RIMS2: variants seen among roughly 807,000 people sequenced by gnomAD.
RIMS2 encodes regulating synaptic membrane exocytosis 2, also known as regulating synaptic membrane exocytosis protein 2.
Under a neutral mutation model 174.4 loss-of-function variants are expected in RIMS2, and 59 were observed. The ratio of observed to expected loss-of-function variants is 0.34; its 90% CI spans 0.27 to 0.42. The LOEUF (loss-of-function observed/expected upper bound fraction) is 0.42. RIMS2 is among the 10% of genes least tolerant of loss of function. The pLI, the probability that RIMS2 is intolerant of heterozygous loss-of-function variation, is 1.00. For missense variants in RIMS2, 1,620 were observed against 1,666.3 expected (o/e 0.97, Z 0.48); for synonymous variants, 606 against 572.5 (o/e 1.06, Z -0.84).
At chr8:103,502,073 T>C (rs1820449433) in intron 1 of RIMS2, among the ~76,000 whole-genome samples, 2 of 152,260 alleles carry the variant, frequency 1.3e-5, no homozygotes, top group Admixed American at 1.3e-4. Flanking sequence ...GTAACCTTTT[T>C]ATGTTTTTCC....
chr8:103,949,810 A>C (rs949915565), intron 14 of RIMS2, among the ~76,000 whole-genome samples: 19 of 152,162 alleles, frequency 1.2e-4, no homozygotes, highest in African/African-American at 4.3e-4. Flanking sequence ...TGAAATAAAG[A>C]CAGAAAGTCA....
At chr8:103,976,096 A>T (rs2093396139) in intron 16 of RIMS2, 1 of 152,260 alleles carries the variant, frequency 6.6e-6, no homozygotes, top group African/African-American at 2.4e-5. Flanking sequence ...ATTCCATTCA[A>T]GTTGACACGT....
chr8:103,904,974 A>G (rs2074059072), intron 4 of RIMS2, among the ~76,000 whole-genome samples: 1 of 151,946 alleles, frequency 6.6e-6, no homozygotes, highest in Admixed American at 6.6e-5. Flanking sequence ...ATCACCTTGT[A>G]TTGGTGCTGA....
chr8:104,145,645 G>T (rs2098630177), intron 19 of RIMS2, among the ~76,000 whole-genome samples: 1 of 146,550 alleles, frequency 6.8e-6, no homozygotes, highest in African/African-American at 2.6e-5. Flanking sequence ...GACCAACATG[G>T]AGAAACCCCG....
chr8:103,523,082 A>G (rs1022255314), intron 1 of RIMS2, among the ~76,000 whole-genome samples: 3 of 151,744 alleles, frequency 2.0e-5, no homozygotes, highest in Non-Finnish European at 4.4e-5. Flanking sequence ...TGATGATGGG[A>G]TGTGTGTGTT....
chr8:103,696,993 T>G, intron 1 of RIMS2, 93 bp from the exon 4 acceptor site: 1 of 709,786 alleles, frequency 1.4e-6, no homozygotes, highest in Non-Finnish European at 2.5e-6. Context: ...CTTGTATTTT[T>G]TTGGTTATAA....
intron 19 of RIMS2, among the ~76,000 whole-genome samples, chr8:104,091,491 A>T (rs2097656537): frequency 1.3e-5 from 2 of 151,376 alleles, no homozygotes; most frequent in South Asian, 4.1e-4. Flanking sequence ...TGATTTTTGT[A>T]TGAATAAATG....
chr8:104,111,367 G>A (rs972746218), intron 19 of RIMS2, among the ~76,000 whole-genome samples: 9 of 152,152 alleles, frequency 5.9e-5, no homozygotes, highest in African/African-American at 2.2e-4. Context: ...TTAAGCCACA[G>A]TATAAAGAGA....
At chr8:103,726,113 A>C (rs1342154505) in intron 2 of RIMS2, among the ~76,000 whole-genome samples, 1 of 152,196 alleles carries the variant, frequency 6.6e-6, no homozygotes, top group African/African-American at 2.4e-5. Context: ...TATAATTTTT[A>C]ACTTTACAAT....
chr8:104,068,634 A>G (rs1327957276), intron 19 of RIMS2, 22 bp downstream of exon 23: 3 of 1,212,188 alleles, frequency 2.5e-6, no homozygotes, highest in East Asian at 5.0e-5. Flanking sequence ...TTCTTTTTAA[A>G]AGTTGTAAAA....
intron 1 of RIMS2, among the ~76,000 whole-genome samples, chr8:103,627,486 G>C (rs928476359): frequency 6.6e-6 from 1 of 152,170 alleles, no homozygotes; most frequent in Non-Finnish European, 1.5e-5. Context: ...GAAATTATAA[G>C]AGTATTGATT....
chr8:104,248,519 G>A (rs2099347295), intron 20 of RIMS2, among the ~76,000 whole-genome samples, 182 bp from the exon 27 acceptor site: 1 of 152,148 alleles, frequency 6.6e-6, no homozygotes. Context: ...TGTCATACTT[G>A]GGCTGCTGAG....
chr8:103,585,379 T>C (rs886652434), intron 1 of RIMS2, among the ~76,000 whole-genome samples: 4 of 151,430 alleles, frequency 2.6e-5, no homozygotes, highest in African/African-American at 9.7e-5. Context: ...ATCCCATTAC[T>C]GGGTATATAC....
intron 19 of RIMS2, among the ~76,000 whole-genome samples, chr8:104,087,226 A>C (rs1016240852): frequency 8.5e-5 from 13 of 152,138 alleles, no homozygotes; most frequent in African/African-American, 3.1e-4. Context: ...TTGATCATTA[A>C]ACATTCATTG....
In RIMS2 at chr8:103,989,400, A is replaced by G. The variant is rs75811370; in HGVS notation, c.3023A>G (p.His1008Arg). 615 of 1,593,154 alleles carry G rather than the reference A, an allele frequency of 3.9e-4. 5 individuals carry two copies. In the East Asian group the frequency reaches 0.013, roughly 33 times the overall value. The change falls in exon 17 of 24, where the codon CAT becomes CGT. Residue 1008 changes from histidine (H) to arginine (R), a missense_variant. By Grantham distance (29) the His-to-Arg change is conservative. This residue lies in a region of RIMS2 where 1,395 missense variants were observed against 1,360.1 expected (regional missense o/e 1.03). Transcript: ENST00000504942. ...GACAGACATCGTGTCATGGATGACCATTATTCTCCAGATAGAGACAGGTAA... is the reference window on the plus strand; with the variant it reads ...GACAGACATCGTGTCATGGATGACCGTTATTCTCCAGATAGAGACAGGTAA...
intron 12 of RIMS2, among the ~76,000 whole-genome samples, chr8:103,934,941 C>T (rs534699875): frequency 6.6e-6 from 1 of 152,240 alleles, no homozygotes; most frequent in South Asian, 2.1e-4. Context: ...TCGTGATCCA[C>T]CCGCCTCGGC....
chr8:104,228,001 C>T (rs2099199107), intron 19 of RIMS2, among the ~76,000 whole-genome samples: 1 of 151,510 alleles, frequency 6.6e-6, no homozygotes, highest in Non-Finnish European at 1.5e-5. Flanking sequence ...TTAACTCAGC[C>T]TCACTCTTTG....
intron 19 of RIMS2, among the ~76,000 whole-genome samples, chr8:104,168,037 A>T (rs962442068): frequency 2.6e-5 from 4 of 152,046 alleles, no homozygotes. Flanking sequence ...GCCTATTTTT[A>T]TGCCAGTAAC....
intron 1 of RIMS2, among the ~76,000 whole-genome samples, chr8:103,684,733 C>A (rs1300962609): frequency 6.6e-6 from 1 of 151,906 alleles, no homozygotes; most frequent in African/African-American, 2.4e-5. Context: ...ATTACAGGTG[C>A]CCACCACCAT....
Sources: allele counts gnomAD v4.1 joint callset (sites outside exome capture counted in the v4.1 genomes callset), GRCh38; gene constraint gnomAD v4.1.1; regional missense constraint gnomAD v4.1.1; transcripts MANE v1.5; gene names NCBI Gene and HGNC (gene_info 2026-07-23, HGNC 2026-07-21).